Variants in COX15 observed in about 807,000 individuals in gnomAD.
COX15 encodes the protein heme A synthase COX15.
In COX15, 51 loss-of-function variants were observed where a neutral mutation model predicts 51.9. That is an observed-to-expected ratio of 0.98 (90% CI 0.78 to 1.24). The LOEUF is 1.24. Ranked by LOEUF, COX15 falls within the 50% of genes most tolerant of loss-of-function variation. The pLI, the probability that COX15 is intolerant of heterozygous loss-of-function variation, is 0.00. For missense variants in COX15, 420 were observed against 501.1 expected, an observed-to-expected ratio of 0.84 and a Z score of 1.55; for synonymous variants, 188 against 190.5, an observed-to-expected ratio of 0.99 and a Z score of 0.11.
At chr10:99,708,076 A>C (rs2036287675), downstream of COX15, among the ~76,000 whole-genome samples, 1 of 152,092 alleles carries the variant, frequency 6.6e-6, no homozygotes, top group African/African-American at 2.4e-5. Flanking sequence ...CTAGTAGTCC[A>C]CAGTGTCTAT....
chr10:99,696,105 A>G, the COX15 span: 1 of 1,612,998 alleles, frequency 6.2e-7, no homozygotes, highest in East Asian at 2.2e-5. Context: ...TTCTGAATGA[A>G]ACTCTTAACA....
At chr10:99,710,423 G>A, downstream of COX15, 1 of 979,148 alleles carries the variant, frequency 1.0e-6, no homozygotes, top group Non-Finnish European at 1.2e-6. Context: ...GCGGAGTGTA[G>A]TGAAAGACAT....
the COX15 span, chr10:99,700,992 G>C: frequency 6.2e-7 from 1 of 1,613,860 alleles, no homozygotes; most frequent in Non-Finnish European, 8.5e-7. Context: ...GGCATGGCTT[G>C]GTCGGTACTA....
At chr10:99,718,667 A>G (rs2036652915) in intron 6 of COX15, among the ~76,000 whole-genome samples, 167 bp from the exon 7 acceptor site, 1 of 152,156 alleles carries the variant, frequency 6.6e-6, no homozygotes, top group African/African-American at 2.4e-5. Flanking sequence ...ATACATCACA[A>G]TCACCAAGGA....
chr10:99,701,477 C>T, the COX15 span, among the ~76,000 whole-genome samples: 1 of 151,394 alleles, frequency 6.6e-6, no homozygotes, highest in South Asian at 2.1e-4. Flanking sequence ...TTTGTAGAGA[C>T]GGGGTTTCGC....
intron 6 of COX15, among the ~76,000 whole-genome samples, chr10:99,719,912 A>G (rs2036705239): frequency 2.0e-5 from 3 of 152,196 alleles, no homozygotes; most frequent in Admixed American, 2.0e-4. Flanking sequence ...GAGCAGTACT[A>G]TCAATAGAAC....
chr10:99,728,412 C>T (rs2037031553), intron 2 of COX15, among the ~76,000 whole-genome samples: 1 of 152,068 alleles, frequency 6.6e-6, no homozygotes, highest in Non-Finnish European at 1.5e-5. Flanking sequence ...TTTGGGGGAC[C>T]AATTTATTAT....
At chr10:99,704,561 A>AT in the COX15 span, 1 of 1,614,108 alleles carries the variant, frequency 6.2e-7, no homozygotes, top group Non-Finnish European at 8.5e-7. Flanking sequence ...GCTACTGGCC[A>AT]TCTTCCTATA....
downstream of COX15, chr10:99,710,601 G>T (rs1308281937): frequency 1.0e-6 from 1 of 985,270 alleles, no homozygotes; most frequent in Non-Finnish European, 1.2e-6. Context: ...CAGTGTTGAG[G>T]AAAATGTGTG....
intron 4 of COX15, 69 bp downstream of exon 4, chr10:99,726,899 A>G (rs1037984589): frequency 4.1e-6 from 6 of 1,475,744 alleles, no homozygotes; most frequent in Non-Finnish European, 5.5e-6. Flanking sequence ...AAAAAAAAAA[A>G]AAAAAAACAA....
chr10:99,701,126 GAGC>G, the COX15 span: 3 of 1,264,390 alleles, frequency 2.4e-6, no homozygotes, highest in Non-Finnish European at 3.5e-6. Context: ...AATGGAGAGT[GAGC>G]AATAATGCAG....
intron 4 of COX15, among the ~76,000 whole-genome samples, chr10:99,724,621 T>C (rs2036891696): frequency 6.6e-6 from 1 of 152,114 alleles, no homozygotes; most frequent in Admixed American, 6.5e-5. Flanking sequence ...CATTAATACT[T>C]AACTACTATT....
chr10:99,728,939 C>A (rs1202102619), intron 2 of COX15, among the ~76,000 whole-genome samples: 1 of 152,092 alleles, frequency 6.6e-6, no homozygotes. Context: ...TTAATTCAAA[C>A]AAACTGTAAA....
At chr10:99,701,672 G>A in the COX15 span, among the ~76,000 whole-genome samples, 1 of 152,078 alleles carries the variant, frequency 6.6e-6, no homozygotes, top group African/African-American at 2.4e-5. Context: ...AAACCCTCAT[G>A]TAACTATCAC....
In COX15 at chr10:99,711,640, C is replaced by A. The variant is rs1368594282; in HGVS notation, c.*2947G>T. 3.0e-6 allele frequency: 3 copies of A among 985,100 alleles called. No individual in the cohort carries two copies. Among genetic ancestry groups the A allele is most frequent in the Non-Finnish European group, 3.6e-6 (3 of 829,708 alleles). 61.0% of individuals were successfully genotyped at this position (985,100 alleles called of 1,614,324 possible). A position where few individuals can be genotyped will look rare whatever the true frequency, so the allele number is the denominator to read the frequency against. On this transcript the variant is annotated 3_prime_UTR_variant, in exon 9 of 9. Coordinates refer to ENST00000016171, the MANE Select transcript of COX15 (RefSeq NM_078470.6). ...TTTAAAAATATGCCTTTTACTTCCT[C>A]CAGGGATTGTGACTTAATTGGTCTT... is the stretch of plus-strand genomic sequence containing the variant.
chr10:99,704,332 A>G, the COX15 span: 2 of 991,572 alleles, frequency 2.0e-6, no homozygotes, highest in Non-Finnish European at 3.0e-6. Flanking sequence ...AGCTGGTGTC[A>G]TAAAATGTTT....
intron 1 of COX15, among the ~76,000 whole-genome samples, chr10:99,730,428 A>G (rs953675543): frequency 2.0e-5 from 3 of 152,180 alleles, no homozygotes; most frequent in Admixed American, 6.5e-5. Context: ...TACCAAAAAT[A>G]CAAAAATTAG....
At chr10:99,727,219 C>T (rs187674675) in intron 3 of COX15, 65 bp from the exon 4 acceptor site, 51 of 1,572,500 alleles carry the variant, frequency 3.2e-5, no homozygotes, top group Admixed American at 8.6e-5. Context: ...TATTTTCTTA[C>T]GGAATGCAAA....
chr10:99,714,222 T>A lies in COX15; in HGVS notation c.*365A>T. The A allele has an allele frequency of 9.1e-7, 1 of 1,093,928 alleles. No individual in the cohort carries two copies. The highest frequency in any genetic ancestry group is 1.1e-6 in the Non-Finnish European group (1 of 894,066). 67.8% of individuals were successfully genotyped at this position (1,093,928 alleles called of 1,614,324 possible). A position where few individuals can be genotyped will look rare whatever the true frequency, so the allele number is the denominator to read the frequency against. ...GTTAAGATCATAAAGAAATTCTATT[T>A]AGGCAGAATTAAGGACTCAGGAGAA... On this transcript the variant is annotated 3_prime_UTR_variant, in exon 9 of 9. Coordinates refer to ENST00000016171, the MANE Select transcript of COX15 (RefSeq NM_078470.6).
Sources: gnomAD v4.1 joint callset for allele counts (sites outside exome capture counted in the v4.1 genomes callset) on GRCh38, gnomAD v4.1.1 for gene constraint, MANE v1.5 for transcripts, NCBI Gene and HGNC (gene_info 2026-07-23, HGNC 2026-07-21) for gene names.